ACSM3: variants seen among roughly 807,000 people sequenced by gnomAD.
The protein encoded by ACSM3 is acyl-coenzyme A synthetase ACSM3, mitochondrial.
ACSM3 carries 61 observed loss-of-function variants against 74.1 expected under a neutral mutation model. That is an observed-to-expected ratio of 0.82 (90% CI 0.67 to 1.02). ACSM3 has a LOEUF of 1.02. ACSM3 is among the 50% of genes least tolerant of loss of function. The probability of loss-of-function intolerance (pLI) is 0.00; values close to 1 mark genes in which losing one functional copy is unlikely to be tolerated. For missense variants in ACSM3, 660 were observed against 697.0 expected (o/e 0.95, Z 0.60); for synonymous variants, 213 against 241.5 (o/e 0.88, Z 1.09).
intron 1 of ACSM3, chr16:20,718,336 TC>T: frequency 2.4e-6 from 2 of 847,526 alleles, no homozygotes; most frequent in South Asian, 4.6e-5. Flanking sequence ...TTGGGGTCCA[TC>T]CATATTTTGC....
At chr16:20,698,667 C>A (rs988284966) in intron 1 of ACSM3, among the ~76,000 whole-genome samples, 2 of 152,018 alleles carry the variant, frequency 1.3e-5, no homozygotes, top group Non-Finnish European at 2.9e-5. Flanking sequence ...CGCCACCACA[C>A]CCAGTTAATT....
chr16:20,696,051 T>A (rs1199061601), intron 1 of ACSM3, among the ~76,000 whole-genome samples: 1 of 152,198 alleles, frequency 6.6e-6, no homozygotes, highest in Non-Finnish European at 1.5e-5. Flanking sequence ...TACCATCGTG[T>A]CATGACTGCC....
intron 1 of ACSM3, chr16:20,718,440 G>C: frequency 3.3e-6 from 2 of 607,154 alleles, no homozygotes; most frequent in South Asian, 6.1e-5. Context: ...GCTCTCCTAA[G>C]ATGGCCCAGC....
chr16:20,792,240 C>G lies in ACSM3; in HGVS notation c.1459C>G (p.Arg487Gly), dbSNP rs201966838. Residue 487 changes from arginine (R) to glycine (G), a missense_variant, in exon 12 of 14, where the codon CGA (arginine) becomes GGA (glycine). By Grantham distance (125) the Arg-to-Gly change is moderately radical. Transcript: ENST00000289416. ...TCCTGCCATATGTGTTTCTAGCTAT[C>G]GAATTGGACCATTTGAGGTAGAAAA... ...ADDVILSSGY[R>G]IGPFEVENAL... The G allele has an allele frequency of 3.7e-6, 6 of 1,613,924 alleles. 1 individual carries two copies. Among genetic ancestry groups the G allele is most frequent in the South Asian group, 2.2e-5 (2 of 91,084 alleles).
In ACSM3 at chr16:20,790,669, GC is replaced by G; in HGVS notation, c.1309del (p.Leu437PhefsTer6). ...GIQVLPNRPF[G>X]LFTHYVDNPS... is the part of the protein sequence containing the mutation. ...CAAGTTCTACCCAACCGACCATTTG[GC>G]CTTTTTACTCATTACGTAGTAAGTG... On this transcript the variant is annotated frameshift_variant, in exon 10 of 14. Transcript: ENST00000289416. LOFTEE classifies it high-confidence loss of function. This position sits in a 1 kb window ranked among gnomAD's most constrained non-coding sequence, Gnocchi z 4.0. The G allele has an allele frequency of 3.7e-6, 6 of 1,614,016 alleles. No homozygotes were observed. The highest frequency in any genetic ancestry group is 5.1e-6 in the Non-Finnish European group (6 of 1,179,962).
At chr16:20,696,872 G>A (rs2079692439) in intron 1 of ACSM3, among the ~76,000 whole-genome samples, 1 of 152,210 alleles carries the variant, frequency 6.6e-6, no homozygotes, top group African/African-American at 2.4e-5. Flanking sequence ...AGGGCTAGAT[G>A]TTTGTCTCTG....
At chr16:20,692,367 A>T (rs534754113) in intron 1 of ACSM3, among the ~76,000 whole-genome samples, 5 of 152,308 alleles carry the variant, frequency 3.3e-5, no homozygotes, top group Admixed American at 6.5e-5. Flanking sequence ...GGAAAACCTA[A>T]AGTGGGGGCT....
intron 2 of ACSM3, 148 bp from the exon 3 acceptor site, chr16:20,775,691 T>G (rs996939120): frequency 1.3e-6 from 1 of 742,458 alleles, no homozygotes; most frequent in African/African-American, 1.7e-5. Flanking sequence ...TGATGATGTC[T>G]CCCCCAGAGT....
chr16:20,794,725 A>G (rs191641759), intron 12 of ACSM3, among the ~76,000 whole-genome samples: 3 of 152,210 alleles, frequency 2.0e-5, no homozygotes, highest in Non-Finnish European at 4.4e-5. Flanking sequence ...TTATACATCT[A>G]TGCTAATTCA....
intron 1 of ACSM3, among the ~76,000 whole-genome samples, chr16:20,713,193 G>A (rs2079749743): frequency 6.6e-6 from 1 of 152,092 alleles, no homozygotes. Context: ...TGGGGTTGTA[G>A]GAGAATCAAA....
At position 20,785,311 on chromosome 16, in the gene ACSM3, C is replaced by T. The variant is rs181255157; in HGVS notation, c.1143+204C>T. Among the ~76,000 whole-genome samples the T allele has an allele frequency of 2.1e-3, 327 of 152,300 alleles. 16 individuals are homozygous for T. The highest frequency in any genetic ancestry group is 1.8e-3 in the Non-Finnish European group (125 of 68,032). On this transcript the variant is annotated intron_variant, in intron 8 of 13. Transcript: ENST00000289416. The stretch of plus-strand genomic sequence containing the variant: ...GTTTAAATAGCCATTCATTGACAAA[C>T]ACCACTGTTAATGGATCAGAGTAAG...
intron 6 of ACSM3, 75 bp downstream of exon 6, chr16:20,781,205 C>T: frequency 6.5e-7 from 1 of 1,530,018 alleles, no homozygotes; most frequent in Non-Finnish European, 8.9e-7. Flanking sequence ...GTGAATAAAG[C>T]AACTTGCAGA....
chr16:20,797,138 AT>A lies in ACSM3; in HGVS notation c.*167del. 1 of 1,364,598 alleles carries A rather than the reference AT, an allele frequency of 7.3e-7. No homozygotes were observed. The allele number at this position is 1,364,598 out of a possible 1,614,324, so 84.5% of individuals were successfully genotyped here. The stretch of plus-strand genomic sequence containing the variant: ...ATCAGAGGCTAAATTTTGAAATAAA[AT>A]ATTTGGCAAATTCCTCCACATTAGT... On this transcript the variant is annotated 3_prime_UTR_variant, in exon 14 of 14. Transcript: ENST00000289416.
intron 1 of ACSM3, among the ~76,000 whole-genome samples, chr16:20,685,819 C>CAAAA (rs71842093): frequency 0.026 from 1,292 of 49,916 alleles, 264 homozygotes; most frequent in Non-Finnish European, 0.031. Flanking sequence ...GACTCCGTCT[C>CAAAA]AAAAAAAAAA....
At chr16:20,754,297 G>A (rs2080012123) in intron 2 of ACSM3, among the ~76,000 whole-genome samples, 1 of 152,190 alleles carries the variant, frequency 6.6e-6, no homozygotes, top group Non-Finnish European at 1.5e-5. Flanking sequence ...CGGCCCACAT[G>A]AATATTTTGC....
At position 20,770,399 on chromosome 16, in the gene ACSM3, G is replaced by C. The variant is rs553328903; in HGVS notation, c.219+146G>C. On this transcript the variant is annotated intron_variant, in intron 2 of 13. Coordinates refer to ENST00000289416, the MANE Select transcript of ACSM3 (RefSeq NM_005622.4). Reference sequence around the variant, plus strand: ...CTGGCATCTAACAGGTAAAAGCCAGGGATTCTGCTAAATATCCCATAATGC... The same window carrying C: ...CTGGCATCTAACAGGTAAAAGCCAGCGATTCTGCTAAATATCCCATAATGC... The C allele has an allele frequency of 6.8e-4, 465 of 683,106 alleles. 1 individual carries two copies. The highest frequency in any genetic ancestry group is 1.1e-3 in the Non-Finnish European group (429 of 400,316). 42.3% of individuals were successfully genotyped at this position (683,106 alleles called of 1,614,324 possible). A position where few individuals can be genotyped will look rare whatever the true frequency, so the allele number is the denominator to read the frequency against.
intron 1 of ACSM3, chr16:20,738,804 T>G: frequency 7.0e-7 from 1 of 1,431,024 alleles, no homozygotes. Context: ...AACTGAGTCA[T>G]GCCCAAGAAG....
chr16:20,674,497 TG>T (rs1352357902), upstream of ACSM3: 2 of 156,556 alleles, frequency 1.3e-5, no homozygotes, highest in Non-Finnish European at 2.8e-5. Context: ...CTCTTTGTTC[TG>T]GGCTCAGTCC....
chr16:20,755,422 A>G (rs2080021275), intron 2 of ACSM3, among the ~76,000 whole-genome samples: 1 of 152,178 alleles, frequency 6.6e-6, no homozygotes. Flanking sequence ...GTATGCTTGA[A>G]ATAAATGAAA....
Sources: gnomAD v4.1 joint callset for allele counts (sites outside exome capture counted in the v4.1 genomes callset) on GRCh38, gnomAD v4.1.1 for gene constraint, Gnocchi (gnomAD v3.1) non-coding constraint, MANE v1.5 for transcripts, NCBI Gene and HGNC (gene_info 2026-07-23, HGNC 2026-07-21) for gene names.